Variants in UNC13B observed in about 807,000 individuals in gnomAD.
The protein encoded by UNC13B is unc-13 homolog B.
In UNC13B, 144 loss-of-function variants were observed where a neutral mutation model predicts 211.0. That is an observed-to-expected ratio of 0.68 (90% CI 0.60 to 0.78). UNC13B has a LOEUF of 0.78. UNC13B is among the 30% of genes least tolerant of loss of function. The pLI, the probability that UNC13B is intolerant of heterozygous loss-of-function variation, is 0.00. For synonymous variants in UNC13B, 709 were observed against 725.8 expected, an observed-to-expected ratio of 0.98 and a Z score of 0.37; for missense variants, 1,777 against 2,002.0, an observed-to-expected ratio of 0.89 and a Z score of 2.14.
intron 1 of UNC13B, among the ~76,000 whole-genome samples, chr9:35,165,878 A>G (rs1564037782): frequency 6.6e-6 from 1 of 152,196 alleles, no homozygotes. Flanking sequence ...CCAGTGCCAC[A>G]TGAACAACTG....
intron 13 of UNC13B, 43 bp downstream of exon 13, chr9:35,370,439 G>A (rs1834044854): frequency 1.3e-6 from 2 of 1,591,744 alleles, no homozygotes; most frequent in Non-Finnish European, 1.7e-6. Context: ...TAGCCTTGGG[G>A]TATCCCCCAT....
At chr9:35,270,766 T>G (rs1827830224) in intron 7 of UNC13B, among the ~76,000 whole-genome samples, 1 of 152,162 alleles carries the variant, frequency 6.6e-6, no homozygotes, top group Non-Finnish European at 1.5e-5. Context: ...GGTTCACACA[T>G]TGCATTTGTA....
intron 1 of UNC13B, among the ~76,000 whole-genome samples, chr9:35,213,153 G>A (rs969329439): frequency 1.3e-5 from 2 of 152,216 alleles, no homozygotes; most frequent in Non-Finnish European, 2.9e-5. Flanking sequence ...GAATTGTGAT[G>A]CCCTCCACCA....
chr9:35,240,650 C>A (rs901666328), intron 5 of UNC13B, among the ~76,000 whole-genome samples: 1 of 151,824 alleles, frequency 6.6e-6, no homozygotes, highest in South Asian at 2.1e-4. Context: ...GACTTTAAAT[C>A]GTTGTTTTTT....
In UNC13B at chr9:35,376,111, G is replaced by A. The variant is rs61732430; in HGVS notation, c.9699G>A (p.Thr3233=). 8,710 of 1,614,202 alleles carry A rather than the reference G, an allele frequency of 5.4e-3. 423 individuals are homozygous for A. The African/African-American group carries it at 0.1, about 19-fold the overall frequency. The stretch of plus-strand genomic sequence containing the variant: ...CTCCTCATAACTTTGAGGTCTGGAC[G>A]GCCACTACCCCAACCTACTGCTATG... The part of the protein sequence containing the change: ...CTTPHNFEVW[T]ATTPTYCYEC... Residue 3233 remains threonine (T), a synonymous_variant, in exon 15 of 40, where the codon ACG becomes ACA. Coordinates refer to ENST00000635942, the MANE Select transcript of UNC13B (RefSeq NM_001371189.2).
At chr9:35,376,562 T>A (rs1159909122) in intron 15 of UNC13B, among the ~76,000 whole-genome samples, 1 of 152,212 alleles carries the variant, frequency 6.6e-6, no homozygotes, top group East Asian at 1.9e-4. Context: ...GCGGCCTTAT[T>A]GTCCAAATGA....
At chr9:35,374,662 G>A (rs1834280300) in intron 13 of UNC13B, among the ~76,000 whole-genome samples, 1 of 152,264 alleles carries the variant, frequency 6.6e-6, no homozygotes, top group Non-Finnish European at 1.5e-5. Flanking sequence ...CAGGGATTAT[G>A]TGGGCTTGGG....
intron 3 of UNC13B, among the ~76,000 whole-genome samples, chr9:35,231,751 TTAG>T (rs1825215443): frequency 6.6e-6 from 1 of 152,172 alleles, no homozygotes; most frequent in South Asian, 2.1e-4. Flanking sequence ...TGAATAAATA[TTAG>T]TAGAATTTCT....
intron 11 of UNC13B, chr9:35,351,834 C>T: frequency 8.1e-7 from 1 of 1,232,284 alleles, no homozygotes; most frequent in Non-Finnish European, 1.0e-6. Context: ...GATCCCTCAT[C>T]TGTCAGCATT....
At chr9:35,356,271 A>T (rs1039965972) in intron 11 of UNC13B, among the ~76,000 whole-genome samples, 1 of 152,196 alleles carries the variant, frequency 6.6e-6, no homozygotes, top group African/African-American at 2.4e-5. Flanking sequence ...GACTACCAGC[A>T]TAACGAAGCT....
intron 11 of UNC13B, among the ~76,000 whole-genome samples, chr9:35,349,445 G>T (rs936936611): frequency 2.0e-5 from 3 of 151,998 alleles, no homozygotes; most frequent in African/African-American, 7.3e-5. Context: ...ACTTTGGAGC[G>T]TGGTCTACCT....
chr9:35,404,232 G>A lies in UNC13B; in HGVS notation c.*199G>A. 1.5e-6 allele frequency: 1 copy of A among 669,400 alleles called. No homozygotes were observed. Among genetic ancestry groups the A allele is most frequent in the Non-Finnish European group, 2.5e-6 (1 of 403,630 alleles). 41.5% of individuals were successfully genotyped at this position (669,400 alleles called of 1,614,324 possible). A position where few individuals can be genotyped will look rare whatever the true frequency, so the allele number is the denominator to read the frequency against. ...CATGAAGCCCTGGCCCAACAGGACT[G>A]TGGTACTAGGGGCTGGGATGTGGGG... On this transcript the variant is annotated 3_prime_UTR_variant, in exon 40 of 40. Coordinates refer to ENST00000635942, the MANE Select transcript of UNC13B (RefSeq NM_001371189.2).
chr9:35,302,751 GTA>G lies in UNC13B; in HGVS notation c.3349_3350del (p.Ile1117PhefsTer10), dbSNP rs747486722. On this transcript the variant is annotated frameshift_variant, in exon 9 of 40. Transcript: ENST00000635942. LOFTEE classifies it high-confidence loss of function. ...GTAGCATCAGACTCTTCATTAGAGT[GTA>G]TTTCTACCACTTCCAAATCCACTTT... 16 of 398,514 alleles carry G rather than the reference GTA, an allele frequency of 4.0e-5. No homozygotes were observed. Among genetic ancestry groups the G allele is most frequent in the Non-Finnish European group, 6.6e-5 (15 of 225,740 alleles). The allele number at this position is 398,514 out of a possible 1,614,324, so 24.7% of individuals were successfully genotyped here. A position where few individuals can be genotyped will look rare whatever the true frequency, so the allele number is the denominator to read the frequency against.
chr9:35,346,375 A>G (rs1298056080), intron 11 of UNC13B, among the ~76,000 whole-genome samples: 1 of 152,136 alleles, frequency 6.6e-6, no homozygotes, highest in Non-Finnish European at 1.5e-5. Context: ...TTTACAAGGA[A>G]TAGTTACATT....
At chr9:35,225,653 CGG>C (rs1395831282) in intron 1 of UNC13B, among the ~76,000 whole-genome samples, 2 of 151,500 alleles carry the variant, frequency 1.3e-5, no homozygotes, top group African/African-American at 4.9e-5. Context: ...CACCTTTACT[CGG>C]ACTAGTTTCT....
rs755963256 is a variant in UNC13B at position 35,307,073 on chromosome 9, G to C, written c.7669G>C (p.Ala2557Pro). ...PPERREAAFT[A>P]LSSESTLSDC... is the part of the protein sequence containing the mutation. ...AGAAAGGAGAGAAGCTGCCTTTACA[G>C]CACTAAGTTCAGAATCTACTCTCAG... Residue 2557 changes from alanine (A) to proline (P), a missense_variant, in exon 9 of 40, where the codon GCA (alanine) becomes CCA (proline). By Grantham distance (27) the Ala-to-Pro change is conservative. Transcript: ENST00000635942. 2.5e-6 allele frequency: 1 copy of C among 399,028 alleles called. No homozygotes were observed. The highest frequency in any genetic ancestry group is 4.4e-6 in the Non-Finnish European group (1 of 226,058). The allele number at this position is 399,028 out of a possible 1,614,324, so 24.7% of individuals were successfully genotyped here.
intron 2 of UNC13B, among the ~76,000 whole-genome samples, chr9:35,228,500 C>T (rs939371640): frequency 1.7e-4 from 26 of 151,892 alleles, no homozygotes; most frequent in Non-Finnish European, 3.4e-4. Flanking sequence ...CCCCACCCCA[C>T]GACAGGCCCC....
chr9:35,265,020 A>G (rs1827488308), intron 7 of UNC13B, among the ~76,000 whole-genome samples: 1 of 152,206 alleles, frequency 6.6e-6, no homozygotes, highest in Admixed American at 6.5e-5. Context: ...TCTTATTTAG[A>G]TGATAATTAG....
chr9:35,400,591 C>T, intron 37 of UNC13B, 148 bp downstream of exon 37: 2 of 924,248 alleles, frequency 2.2e-6, no homozygotes, highest in East Asian at 2.6e-5. Flanking sequence ...TTGATGGGAC[C>T]TCAGTACTTA....
Sources: gnomAD v4.1 joint callset for allele counts (sites outside exome capture counted in the v4.1 genomes callset) on GRCh38, gnomAD v4.1.1 for gene constraint, MANE v1.5 for transcripts, NCBI Gene and HGNC (gene_info 2026-07-23, HGNC 2026-07-21) for gene names.